The following ILDR2 variants were observed in gnomAD, a reference collection of about 807,000 sequenced individuals.
ILDR2 encodes immunoglobulin like domain containing receptor 2.
Under a neutral mutation model 66.8 loss-of-function variants are expected in ILDR2, and 25 were observed. The observed-to-expected ratio is 0.37, with a 90% CI of 0.27 to 0.52. ILDR2 has a LOEUF of 0.52. ILDR2 is among the 20% of genes least tolerant of loss of function. The pLI, the probability that ILDR2 is intolerant of heterozygous loss-of-function variation, is 0.88. For synonymous variants in ILDR2, 367 were observed against 357.2 expected, an observed-to-expected ratio of 1.03 and a Z score of -0.31; for missense variants, 827 against 876.8, an observed-to-expected ratio of 0.94 and a Z score of 0.72.
intron 2 of ILDR2, among the ~76,000 whole-genome samples, chr1:166,901,098 T>A (rs1659257073): frequency 6.6e-6 from 1 of 152,196 alleles, no homozygotes; most frequent in Non-Finnish European, 1.5e-5. Flanking sequence ...CACCTTCCAT[T>A]TTTAGCAATC....
At chr1:166,966,827 G>A (rs923518743) in intron 1 of ILDR2, among the ~76,000 whole-genome samples, 3 of 152,162 alleles carry the variant, frequency 2.0e-5, no homozygotes, top group Non-Finnish European at 4.4e-5. Context: ...AGACTTCTGG[G>A]ATGGAACAGC....
chr1:166,946,351 G>A (rs1331339997), intron 3 of ILDR2, among the ~76,000 whole-genome samples: 1 of 151,682 alleles, frequency 6.6e-6, no homozygotes, highest in Non-Finnish European at 1.5e-5. Flanking sequence ...TTCTTTCTGT[G>A]TCCTTTACAT....
chr1:166,918,461 CTT>C lies in ILDR2; in HGVS notation c.*892_*893del, dbSNP rs1011151596. The C allele has an allele frequency of 3.9e-5, 6 of 152,190 alleles. No individual in the cohort carries two copies. The highest frequency in any genetic ancestry group is 1.2e-4 in the African/African-American group (5 of 41,430). 9.4% of individuals were successfully genotyped at this position (152,190 alleles called of 1,614,324 possible). A position where few individuals can be genotyped will look rare whatever the true frequency, so the allele number is the denominator to read the frequency against. On this transcript the variant is annotated 3_prime_UTR_variant, in exon 10 of 10. Coordinates refer to ENST00000271417, the MANE Select transcript of ILDR2 (RefSeq NM_199351.3). ...TACTGCTTTCTCCTCTTTCCTCCCT[CTT>C]CTCTTTCATGTGTATATTTTAAGCA...
At chr1:166,932,835 AT>A (rs1240897827) in intron 6 of ILDR2, among the ~76,000 whole-genome samples, 1 of 152,274 alleles carries the variant, frequency 6.6e-6, no homozygotes, top group Non-Finnish European at 1.5e-5. Flanking sequence ...TTGAAGTAGT[AT>A]ATAAATATAA....
intron 3 of ILDR2, among the ~76,000 whole-genome samples, chr1:166,953,716 T>C (rs550930750): frequency 2.5e-4 from 38 of 152,362 alleles, no homozygotes; most frequent in African/African-American, 8.2e-4. Flanking sequence ...TCATGAGGAT[T>C]GATTTCCTGG....
In ILDR2 at chr1:166,957,942, G is replaced by A; in HGVS notation, c.206C>T (p.Ser69Phe). ...KSYCQDRMGE[S>F]LGMSSTRAQS... ...GGCCCGGGTAGAGGACATGCCCAAG[G>A]ATTCTCCCATGCGATCCTGGCAGTA... Residue 69 changes from serine (S) to phenylalanine (F), a missense_variant, in exon 2 of 10, where the codon TCC (serine) becomes TTC (phenylalanine). This residue lies in a region of ILDR2 where 437 missense variants were observed against 523.2 expected (regional missense o/e 0.84). Transcript: ENST00000271417. The A allele has an allele frequency of 6.2e-7, 1 of 1,614,114 alleles. No homozygotes were observed. Among genetic ancestry groups the A allele is most frequent in the Non-Finnish European group, 8.5e-7 (1 of 1,180,024 alleles).
chr1:166,943,643 C>T (rs1661448944), intron 3 of ILDR2: 1 of 177,114 alleles, frequency 5.6e-6, no homozygotes, highest in Admixed American at 6.5e-5. Context: ...TCTTCCCTAA[C>T]AATTCCTAAG....
At chr1:166,961,110 T>G (rs1662585508) in intron 1 of ILDR2, among the ~76,000 whole-genome samples, 1 of 152,216 alleles carries the variant, frequency 6.6e-6, no homozygotes, top group Non-Finnish European at 1.5e-5. Flanking sequence ...TTTTTCTTCT[T>G]TCCAACTTTT....
intron 3 of ILDR2, among the ~76,000 whole-genome samples, chr1:166,953,332 C>T (rs1002791111): frequency 2.3e-4 from 35 of 152,200 alleles, no homozygotes; most frequent in Non-Finnish European, 1.3e-4. Flanking sequence ...ACTTCTTAGT[C>T]TTGCATATAA....
intron 1 of ILDR2, among the ~76,000 whole-genome samples, chr1:166,963,919 G>A (rs555803215): frequency 3.4e-4 from 51 of 152,206 alleles, no homozygotes; most frequent in Admixed American, 6.5e-4. Flanking sequence ...TCCAGGCACT[G>A]GTAACACCAT....
At chr1:166,929,858 C>A (rs945932638) in intron 6 of ILDR2, among the ~76,000 whole-genome samples, 1 of 152,040 alleles carries the variant, frequency 6.6e-6, no homozygotes, top group East Asian at 1.9e-4. Flanking sequence ...AGGCTTGGAT[C>A]GTAGAAAAGT....
chr1:166,909,781 T>TA lies in ILDR2; in HGVS notation c.*9573_*9574insT, dbSNP rs1557921377. On this transcript the variant is annotated 3_prime_UTR_variant, in exon 10 of 10. Transcript: ENST00000271417. ...TATAAATATATATAAATATATATATTTATATATATATATATATATATATAT... is the reference window on the plus strand; with the variant it reads ...TATAAATATATATAAATATATATATTATATATATATATATATATATATATAT... 2,218 of 64,134 alleles carry TA rather than the reference T, an allele frequency of 0.035. 148 individuals carry two copies. Among genetic ancestry groups the TA allele is most frequent in the East Asian group, 0.074 (148 of 1,988 alleles). 4.0% of individuals were successfully genotyped at this position (64,134 alleles called of 1,614,324 possible).
At chr1:166,927,415 C>G (rs1660364262) in intron 6 of ILDR2, among the ~76,000 whole-genome samples, 1 of 152,198 alleles carries the variant, frequency 6.6e-6, no homozygotes, top group South Asian at 2.1e-4. Context: ...CCATTACAGT[C>G]TATTTTTAGT....
At chr1:166,953,204 G>A (rs1168260398) in intron 3 of ILDR2, among the ~76,000 whole-genome samples, 1 of 152,156 alleles carries the variant, frequency 6.6e-6, no homozygotes, top group African/African-American at 2.4e-5. Context: ...ACCAAAGTGG[G>A]TCAACAGGAA....
In ILDR2 at chr1:166,920,763, G is replaced by A. The variant is rs777601152; in HGVS notation, c.1828C>T (p.Leu610=). The stretch of plus-strand genomic sequence containing the variant: ...TTCTCCGAGTTGCTGTGGTAGGGCA[G>A]GTCGCGGCCGCGGTAGGACGGGCCG... ...TRGPSYRGRD[L]PYHSNSEKKR... The change falls in exon 9 of 10, where the codon CTG becomes TTG. Residue 610 remains leucine (L), a synonymous_variant. Coordinates refer to ENST00000271417, the MANE Select transcript of ILDR2 (RefSeq NM_199351.3). 8.0e-6 allele frequency: 12 copies of A among 1,493,572 alleles called. No individual in the cohort carries two copies. Among genetic ancestry groups the A allele is most frequent in the Admixed American group, 7.1e-5 (3 of 42,542 alleles). 92.5% of individuals were successfully genotyped at this position (1,493,572 alleles called of 1,614,324 possible). A position where few individuals can be genotyped will look rare whatever the true frequency, so the allele number is the denominator to read the frequency against.
chr1:166,902,154 C>A (rs1265494632), intron 2 of ILDR2, among the ~76,000 whole-genome samples: 1 of 152,252 alleles, frequency 6.6e-6, no homozygotes. Flanking sequence ...GCCACCAGGC[C>A]CAGCCAGTTT....
intron 1 of ILDR2, among the ~76,000 whole-genome samples, chr1:166,962,133 A>G (rs777777367): frequency 6.6e-6 from 1 of 152,164 alleles, no homozygotes; most frequent in Non-Finnish European, 1.5e-5. Context: ...ACAGGTTTCA[A>G]ACTGTTAGAT....
chr1:166,921,255 C>A lies in ILDR2; in HGVS notation c.1336G>T (p.Gly446Cys), dbSNP rs752278365. 6.3e-6 allele frequency: 10 copies of A among 1,599,284 alleles called. No homozygotes were observed. The East Asian group carries it at 2.2e-4, about 36-fold the overall frequency. The change falls in exon 9 of 10, where the codon GGC becomes TGC. Residue 446 changes from glycine to cysteine, a missense_variant. This residue lies in a region of ILDR2 where 390 missense variants were observed against 353.6 expected (regional missense o/e 1.10). Coordinates refer to ENST00000271417, the MANE Select transcript of ILDR2 (RefSeq NM_199351.3). The surrounding 1 kb of genome is among the most constrained non-coding windows in gnomAD (Gnocchi z 5.3). ...CCGCCCCGCGCCTCGTGACTGTTGC[C>A]GTCTGCCCGGCGGGGCCGCTGGCCG... is the stretch of plus-strand genomic sequence containing the variant. ...SYGQRPRRAD[G>C]NSHEARGGSR...
chr1:166,922,579 C>G lies in ILDR2; in HGVS notation c.1211+14G>C, dbSNP rs576388129. The G allele has an allele frequency of 1.9e-5, 30 of 1,611,078 alleles. No homozygotes were observed. Among genetic ancestry groups the G allele is most frequent in the Non-Finnish European group, 2.5e-5 (30 of 1,178,264 alleles). On this transcript the variant is annotated intron_variant, in intron 8 of 9. Transcript: ENST00000271417. ...CCCCTCACACCGACCAGACCTGCCC[C>G]TCACAGCCATCACCTGTGCCTGAAG...
Sources: gnomAD v4.1 joint callset for allele counts (sites outside exome capture counted in the v4.1 genomes callset) on GRCh38, gnomAD v4.1.1 for gene constraint, gnomAD v4.1.1 regional missense constraint, Gnocchi (gnomAD v3.1) non-coding constraint, MANE v1.5 for transcripts, NCBI Gene and HGNC (gene_info 2026-07-23, HGNC 2026-07-21) for gene names.